Variants in SNTB1 observed in about 807,000 individuals in gnomAD.
SNTB1 encodes syntrophin beta 1.
In SNTB1, 36 loss-of-function variants were observed where a neutral mutation model predicts 48.9. The observed-to-expected ratio is 0.74, with a 90% CI of 0.56 to 0.97. SNTB1 has a LOEUF of 0.97. Ranked by LOEUF, SNTB1 falls within the 50% of genes least tolerant of loss-of-function variation. SNTB1 has a pLI of 0.00. For missense variants in SNTB1, 786 were observed against 703.4 expected (o/e 1.12, Z -1.33); for synonymous variants, 299 against 294.6 (o/e 1.01, Z -0.15).
At chr8:120,629,645 G>T (rs1816946644) in intron 3 of SNTB1, among the ~76,000 whole-genome samples, 1 of 152,124 alleles carries the variant, frequency 6.6e-6, no homozygotes, top group Non-Finnish European at 1.5e-5. Context: ...CCAGGATTCA[G>T]TATTAAATAT....
In SNTB1 at chr8:120,687,729, C is replaced by G. The variant is rs868191828; in HGVS notation, c.788+5963G>C. ...ATACTTAGTGTTCTGGCATTCTGCT[C>G]ATATTCACATTTGTCTTCCAATACA... On this transcript the variant is annotated intron_variant, in intron 2 of 6. Coordinates refer to ENST00000517992, the MANE Select transcript of SNTB1 (RefSeq NM_021021.4). 5.3e-5 allele frequency among the ~76,000 whole-genome samples: 8 copies of G among 152,340 alleles called. No homozygotes were observed. The South Asian group carries it at 1.2e-3, about 24-fold the overall frequency.
chr8:120,694,035 G>A (rs530623880), intron 1 of SNTB1, 127 bp from the exon 2 acceptor site: 7 of 734,604 alleles, frequency 9.5e-6, no homozygotes, highest in South Asian at 3.3e-5. Flanking sequence ...AATTCTCAAC[G>A]AGATTTTGAA....
chr8:120,737,118 T>C (rs1818959349), intron 1 of SNTB1, among the ~76,000 whole-genome samples: 1 of 152,204 alleles, frequency 6.6e-6, no homozygotes, highest in African/African-American at 2.4e-5. Context: ...TCCTTTGAAA[T>C]TGTTTCTTCA....
At chr8:120,743,605 A>G (rs1170073651) in intron 1 of SNTB1, among the ~76,000 whole-genome samples, 2 of 152,180 alleles carry the variant, frequency 1.3e-5, no homozygotes, top group Non-Finnish European at 2.9e-5. Context: ...TGATAAAGTA[A>G]AACCCCCTTT....
At chr8:120,762,261 C>T (rs980054898) in intron 1 of SNTB1, among the ~76,000 whole-genome samples, 8 of 152,212 alleles carry the variant, frequency 5.3e-5, no homozygotes, top group African/African-American at 1.9e-4. Flanking sequence ...TCCTCCCTGT[C>T]ACTACAGCTC....
intron 2 of SNTB1, among the ~76,000 whole-genome samples, chr8:120,682,967 C>T (rs1226295371): frequency 2.7e-5 from 4 of 150,744 alleles, no homozygotes; most frequent in East Asian, 3.9e-4. Context: ...CTGCAACCTC[C>T]GCCTCCTGGG....
chr8:120,643,137 T>C (rs1005746104), intron 2 of SNTB1, among the ~76,000 whole-genome samples: 3 of 152,190 alleles, frequency 2.0e-5, no homozygotes, highest in Non-Finnish European at 4.4e-5. Context: ...TTTCTTGCCA[T>C]ATGAGCCTTT....
intron 1 of SNTB1, among the ~76,000 whole-genome samples, chr8:120,698,926 A>T (rs1818258123): frequency 6.6e-6 from 1 of 152,252 alleles, no homozygotes; most frequent in Non-Finnish European, 1.5e-5. Flanking sequence ...AGGGAAGGGA[A>T]GGTGTTGCCT....
chr8:120,745,793 C>T (rs879934417), intron 1 of SNTB1, among the ~76,000 whole-genome samples: 3 of 152,182 alleles, frequency 2.0e-5, no homozygotes, highest in African/African-American at 4.8e-5. Context: ...GCTGCCATGA[C>T]GCTGGACACT....
Position 120,693,851 on chromosome 8 carries a change from A to G in SNTB1, c.629T>C (p.Ile210Thr). The change falls in exon 2 of 7, where the codon ATT (isoleucine) becomes ACT (threonine). Residue 210 changes from isoleucine to threonine, a missense_variant. Physicochemically the swap from Ile to Thr is moderately conservative, Grantham distance 89. Transcript: ENST00000517992. ...YVKKGSPVSE[I>T]GWETPPPESP... The stretch of plus-strand genomic sequence containing the variant: ...TTCAGGCGGAGGTGTTTCCCACCCA[A>G]TCTCGGATACTGGGGATCCTTTCTT... 5 of 1,614,078 alleles carry G rather than the reference A, an allele frequency of 3.1e-6. No homozygotes were observed. The highest frequency in any genetic ancestry group is 1.1e-5 in the South Asian group (1 of 91,066).
chr8:120,707,343 G>A (rs774768483), intron 1 of SNTB1, among the ~76,000 whole-genome samples: 6 of 152,110 alleles, frequency 3.9e-5, no homozygotes, highest in Non-Finnish European at 7.4e-5. Flanking sequence ...ACTTCACTGC[G>A]CTTCTGCACT....
intron 1 of SNTB1, among the ~76,000 whole-genome samples, chr8:120,790,338 G>A (rs1197901823): frequency 6.6e-6 from 1 of 151,992 alleles, no homozygotes; most frequent in Non-Finnish European, 1.5e-5. Flanking sequence ...AGACAAGGAT[G>A]CCCACTTTCA....
At chr8:120,590,785 C>G (rs1446543474) in intron 3 of SNTB1, among the ~76,000 whole-genome samples, 1 of 150,176 alleles carries the variant, frequency 6.7e-6, no homozygotes, top group African/African-American at 2.5e-5. Context: ...GGTCCCGGTT[C>G]AAGCAATTCT....
intron 3 of SNTB1, among the ~76,000 whole-genome samples, chr8:120,592,529 T>C (rs1461538668): frequency 6.6e-6 from 1 of 152,086 alleles, no homozygotes; most frequent in Non-Finnish European, 1.5e-5. Context: ...AACAGCCTAT[T>C]CCAACTAAAT....
At chr8:120,584,426 G>A (rs1478094915) in intron 3 of SNTB1, among the ~76,000 whole-genome samples, 1 of 73,820 alleles carries the variant, frequency 1.4e-5, no homozygotes, top group Non-Finnish European at 2.4e-5. Flanking sequence ...GTGACAGAGC[G>A]AAACTCCATC....
chr8:120,542,322 C>G (rs1815302366), intron 5 of SNTB1, among the ~76,000 whole-genome samples: 1 of 152,170 alleles, frequency 6.6e-6, no homozygotes, highest in Non-Finnish European at 1.5e-5. Context: ...TCCAATGGCC[C>G]TGTGGGCCTT....
chr8:120,676,258 A>G (rs1032009598), intron 2 of SNTB1, among the ~76,000 whole-genome samples: 5 of 152,228 alleles, frequency 3.3e-5, no homozygotes, highest in African/African-American at 1.2e-4. Flanking sequence ...TCATGTTCCT[A>G]GAAGGTATAC....
intron 2 of SNTB1, among the ~76,000 whole-genome samples, chr8:120,652,968 C>A (rs1350677398): frequency 6.6e-6 from 1 of 152,124 alleles, no homozygotes; most frequent in East Asian, 1.9e-4. Flanking sequence ...TCTTGGGTTA[C>A]AAAACGGAGT....
Position 120,538,502 on chromosome 8 carries a change from G to A in SNTB1, c.*375C>T, listed in dbSNP as rs1815233788. 3 of 362,964 alleles carry A rather than the reference G, an allele frequency of 8.3e-6. No homozygotes were observed. Among genetic ancestry groups the A allele is most frequent in the East Asian group, 7.3e-5 (1 of 13,790 alleles). 22.5% of individuals were successfully genotyped at this position (362,964 alleles called of 1,614,324 possible). A position where few individuals can be genotyped will look rare whatever the true frequency, so the allele number is the denominator to read the frequency against. On this transcript the variant is annotated 3_prime_UTR_variant, in exon 7 of 7. Transcript: ENST00000517992. ...AAGAATGTCCATTTCTCAACTATTC[G>A]GCCCTTGCGTACCTGGTGAACAAGT...
Sources: gnomAD v4.1 joint callset for allele counts (sites outside exome capture counted in the v4.1 genomes callset) on GRCh38, gnomAD v4.1.1 for gene constraint, MANE v1.5 for transcripts, NCBI Gene and HGNC (gene_info 2026-07-23, HGNC 2026-07-21) for gene names.